The following VEGFC variants were observed in gnomAD, a reference collection of about 807,000 sequenced individuals.
VEGFC encodes the protein FLT4 ligand DHM.
Under a neutral mutation model 46.1 loss-of-function variants are expected in VEGFC, and 12 were observed. The observed-to-expected ratio is 0.26, with a 90% CI of 0.17 to 0.42. The LOEUF (loss-of-function observed/expected upper bound fraction) is 0.42. Among genes scored for constraint, VEGFC ranks in the 10% least tolerant of loss-of-function variants. The probability of loss-of-function intolerance (pLI) is 1.00; values close to 1 mark genes in which losing one functional copy is unlikely to be tolerated. For missense variants in VEGFC, 488 were observed against 529.4 expected, an observed-to-expected ratio of 0.92 and a Z score of 0.77; for synonymous variants, 232 against 195.5, an observed-to-expected ratio of 1.19 and a Z score of -1.56.
At chr4:176,780,227 A>T (rs540000574) in intron 1 of VEGFC, among the ~76,000 whole-genome samples, 30 of 152,096 alleles carry the variant, frequency 2.0e-4, no homozygotes, top group Middle Eastern at 6.8e-3. Flanking sequence ...TAAATAATAC[A>T]AAAATTAGCC....
At chr4:176,687,750 TTTAATA>T in intron 5 of VEGFC, 65 bp downstream of exon 5, 1 of 1,163,498 alleles carries the variant, frequency 8.6e-7, no homozygotes. Context: ...TATGTGTGGT[TTTAATA>T]TTAGAGTATG....
intron 1 of VEGFC, among the ~76,000 whole-genome samples, chr4:176,755,389 T>C (rs1735415566): frequency 6.6e-6 from 1 of 152,040 alleles, no homozygotes; most frequent in African/African-American, 2.4e-5. Context: ...CCCAGCTCCC[T>C]TGCATCTTGG....
intron 1 of VEGFC, among the ~76,000 whole-genome samples, chr4:176,787,940 G>A (rs756057512): frequency 7.9e-5 from 12 of 152,156 alleles, no homozygotes; most frequent in Non-Finnish European, 1.6e-4. Context: ...ATACAAATAT[G>A]TGTTTGTAAC....
At chr4:176,724,315 G>A (rs571278073) in intron 3 of VEGFC, among the ~76,000 whole-genome samples, 6 of 152,272 alleles carry the variant, frequency 3.9e-5, no homozygotes, top group Non-Finnish European at 7.4e-5. Context: ...TTGTTCTCAT[G>A]AAAGGGTCCA....
At chr4:176,761,238 TGTAA>T (rs1157407726) in intron 1 of VEGFC, among the ~76,000 whole-genome samples, 5 of 152,208 alleles carry the variant, frequency 3.3e-5, no homozygotes, top group African/African-American at 1.2e-4. Context: ...TAATATTCAG[TGTAA>T]GTATCAGTGA....
chr4:176,787,561 A>G (rs2110956275), intron 1 of VEGFC, among the ~76,000 whole-genome samples: 1 of 152,244 alleles, frequency 6.6e-6, no homozygotes, highest in South Asian at 2.1e-4. Flanking sequence ...GAAAGCCACT[A>G]GGGCGCGAGC....
chr4:176,689,502 A>G (rs1478512497), intron 4 of VEGFC: 2 of 152,176 alleles, frequency 1.3e-5, no homozygotes, highest in African/African-American at 2.4e-5. Context: ...TCTACTAGAC[A>G]CAGACATGGG....
chr4:176,717,456 C>T (rs2111005248), intron 3 of VEGFC, among the ~76,000 whole-genome samples: 1 of 152,212 alleles, frequency 6.6e-6, no homozygotes, highest in East Asian at 1.9e-4. Flanking sequence ...CATTTTGAAA[C>T]AATAGGTTGT....
chr4:176,785,358 T>A (rs1560967191), intron 1 of VEGFC, among the ~76,000 whole-genome samples: 1 of 152,156 alleles, frequency 6.6e-6, no homozygotes. Context: ...TAGAAGTGAG[T>A]CTTTTAAACT....
chr4:176,734,118 C>G (rs1406486681), intron 1 of VEGFC, among the ~76,000 whole-genome samples: 1 of 151,768 alleles, frequency 6.6e-6, no homozygotes. Flanking sequence ...TAGTCACCAG[C>G]TAGGTAACTT....
chr4:176,756,112 C>T (rs74481949), intron 1 of VEGFC, among the ~76,000 whole-genome samples: 1 of 151,810 alleles, frequency 6.6e-6, no homozygotes, highest in African/African-American at 2.4e-5. Flanking sequence ...ACTGGATAAC[C>T]CTGGGCTTAT....
intron 1 of VEGFC, among the ~76,000 whole-genome samples, chr4:176,735,681 C>A (rs2111024799): frequency 1.3e-5 from 2 of 151,830 alleles, no homozygotes; most frequent in African/African-American, 4.8e-5. Context: ...TGAACAGGGG[C>A]AATTTTGAAC....
At chr4:176,715,649 T>C (rs1242281724) in intron 3 of VEGFC, among the ~76,000 whole-genome samples, 6 of 152,314 alleles carry the variant, frequency 3.9e-5, no homozygotes, top group Admixed American at 3.3e-4. Flanking sequence ...TAGTAAATTC[T>C]ATTTTCTTGT....
At chr4:176,737,968 A>G (rs988145634) in intron 1 of VEGFC, among the ~76,000 whole-genome samples, 9 of 151,770 alleles carry the variant, frequency 5.9e-5, no homozygotes, top group African/African-American at 2.2e-4. Flanking sequence ...GTCCTCTTGA[A>G]AGAATAAGAT....
chr4:176,710,307 C>T (rs1452438652), intron 4 of VEGFC, among the ~76,000 whole-genome samples: 3 of 152,072 alleles, frequency 2.0e-5, no homozygotes, highest in Non-Finnish European at 4.4e-5. Flanking sequence ...CTCTAGCCTG[C>T]GGGGATGAAA....
intron 1 of VEGFC, among the ~76,000 whole-genome samples, chr4:176,750,679 A>T (rs544319648): frequency 8.6e-5 from 13 of 151,974 alleles, no homozygotes; most frequent in African/African-American, 3.1e-4. Flanking sequence ...ATAGGTATAC[A>T]TATAAAATCC....
chr4:176,770,693 C>T (rs1050323938), intron 1 of VEGFC, among the ~76,000 whole-genome samples: 3 of 152,058 alleles, frequency 2.0e-5, no homozygotes, highest in Admixed American at 2.0e-4. Flanking sequence ...AGCTGAGCTC[C>T]TATTTTAGCA....
chr4:176,788,714 G>A (rs1391671118), intron 1 of VEGFC, among the ~76,000 whole-genome samples: 1 of 152,090 alleles, frequency 6.6e-6, no homozygotes, highest in Admixed American at 6.6e-5. Flanking sequence ...CTTGAAGTAT[G>A]GTTTCTACTG....
intron 1 of VEGFC, among the ~76,000 whole-genome samples, chr4:176,765,372 T>C (rs190128047): frequency 6.6e-6 from 1 of 151,988 alleles, no homozygotes; most frequent in Non-Finnish European, 1.5e-5. Context: ...AACTGGAGGA[T>C]AGAGACTATA....
Sources: gnomAD v4.1 joint callset for allele counts (sites outside exome capture counted in the v4.1 genomes callset) on GRCh38, gnomAD v4.1.1 for gene constraint, MANE v1.5 for transcripts, NCBI Gene and HGNC (gene_info 2026-07-23, HGNC 2026-07-21) for gene names.